Variants in SCAND3 observed in about 807,000 individuals in gnomAD.
SCAND3 encodes the protein SCAN domain containing 3, also known as SCAN domain-containing protein 3.
chr6:28,607,154 T>C, the SCAND3 span, among the ~76,000 whole-genome samples: 1 of 152,222 alleles, frequency 6.6e-6, no homozygotes, highest in Admixed American at 6.5e-5. Flanking sequence ...CTGTCTGTGG[T>C]TGGGGGTGTA....
the SCAND3 span, among the ~76,000 whole-genome samples, chr6:28,611,985 C>T: frequency 6.6e-6 from 1 of 152,064 alleles, no homozygotes; most frequent in Non-Finnish European, 1.5e-5. Context: ...GAGGAATAAG[C>T]ATCCAGTTAG....
At chr6:28,576,784 G>T in the SCAND3 span, among the ~76,000 whole-genome samples, 3,484 of 92,466 alleles carry the variant, frequency 0.038, 41 homozygotes, top group African/African-American at 0.07. Context: ...TTTTTTTTTT[G>T]TATTTTTAGT....
At chr6:28,603,847 A>G in the SCAND3 span, among the ~76,000 whole-genome samples, 67 of 152,270 alleles carry the variant, frequency 4.4e-4, 3 homozygotes, top group East Asian at 0.012. Context: ...TACAAATTCA[A>G]TGTGAGTTGG....
the SCAND3 span, among the ~76,000 whole-genome samples, chr6:28,611,831 T>G: frequency 2.0e-5 from 3 of 152,238 alleles, no homozygotes; most frequent in African/African-American, 7.2e-5. Context: ...TTCCACTGTA[T>G]ATACAGTAGC....
chr6:28,573,770 G>A, the SCAND3 span: 1 of 1,576,026 alleles, frequency 6.3e-7, no homozygotes, highest in Non-Finnish European at 8.6e-7. Flanking sequence ...CTACTACTGT[G>A]TTCAGAAAAG....
At chr6:28,575,182 T>G in the SCAND3 span, 1 of 1,614,138 alleles carries the variant, frequency 6.2e-7, no homozygotes, top group Non-Finnish European at 8.5e-7. This position sits in a 1 kb window ranked among gnomAD's most constrained non-coding sequence, Gnocchi z 4.2. Flanking sequence ...GTGATAGGGC[T>G]GATTTTGGGA....
At chr6:28,587,250 A>C in the SCAND3 span, 2 of 154,604 alleles carry the variant, frequency 1.3e-5, no homozygotes. Flanking sequence ...GGGTCGAGGG[A>C]AACACTCTAC....
At chr6:28,572,017 T>C in the SCAND3 span, 52 of 1,613,928 alleles carry the variant, frequency 3.2e-5, no homozygotes, top group Non-Finnish European at 4.2e-5. The surrounding 1 kb of genome is among the most constrained non-coding windows in gnomAD (Gnocchi z 4.1). Context: ...ACTGTTTCTA[T>C]GTTTTGTTTT....
the SCAND3 span, among the ~76,000 whole-genome samples, chr6:28,605,749 G>A: frequency 1.3e-5 from 2 of 152,146 alleles, no homozygotes; most frequent in African/African-American, 4.8e-5. Context: ...AGGAGGCTGA[G>A]GCAAGAGAAT....
chr6:28,597,534 C>T, the SCAND3 span, among the ~76,000 whole-genome samples: 1 of 152,204 alleles, frequency 6.6e-6, no homozygotes, highest in Non-Finnish European at 1.5e-5. Flanking sequence ...TACAACCACA[C>T]CCAGAATCGG....
chr6:28,581,211 A>G, the SCAND3 span, among the ~76,000 whole-genome samples: 1 of 151,948 alleles, frequency 6.6e-6, no homozygotes, highest in Non-Finnish European at 1.5e-5. Flanking sequence ...GGTAGCACAT[A>G]TCTGTGGTCC....
chr6:28,591,956 T>C, the SCAND3 span, among the ~76,000 whole-genome samples: 1 of 152,142 alleles, frequency 6.6e-6, no homozygotes, highest in Non-Finnish European at 1.5e-5. Context: ...AATCTGTCCA[T>C]ATCAAAAAAT....
At chr6:28,592,441 A>G in the SCAND3 span, among the ~76,000 whole-genome samples, 1 of 152,226 alleles carries the variant, frequency 6.6e-6, no homozygotes, top group Non-Finnish European at 1.5e-5. The surrounding 1 kb of genome is among the most constrained non-coding windows in gnomAD (Gnocchi z 4.1). Context: ...AAAAACACAA[A>G]TAAATGGAAA....
At chr6:28,575,590 C>T in the SCAND3 span, 1 of 1,614,090 alleles carries the variant, frequency 6.2e-7, no homozygotes, top group South Asian at 1.1e-5. The surrounding 1 kb of genome is among the most constrained non-coding windows in gnomAD (Gnocchi z 4.2). Context: ...GCATCTTGAA[C>T]TAACTTCCTT....
chr6:28,573,727 G>C, the SCAND3 span: 6 of 1,608,062 alleles, frequency 3.7e-6, no homozygotes, highest in Non-Finnish European at 5.1e-6. Context: ...CCCTTCTTCA[G>C]GATAACTTCT....
chr6:28,589,418 C>G, the SCAND3 span: 1 of 152,044 alleles, frequency 6.6e-6, no homozygotes, highest in African/African-American at 2.4e-5. Context: ...GACTTTGAAT[C>G]CAGCAATCCG....
chr6:28,572,873 G>T, the SCAND3 span: 2 of 1,613,730 alleles, frequency 1.2e-6, no homozygotes, highest in Non-Finnish European at 1.7e-6. The surrounding 1 kb of genome is among the most constrained non-coding windows in gnomAD (Gnocchi z 4.1). Context: ...TTCATGGCAA[G>T]ACTTTCTCGA....
the SCAND3 span, chr6:28,573,440 T>C: frequency 6.2e-7 from 1 of 1,614,178 alleles, no homozygotes; most frequent in Non-Finnish European, 8.5e-7. Context: ...AAAGCACTAA[T>C]GTTTATATGA....
At chr6:28,574,902 TA>T in the SCAND3 span, 2 of 1,613,982 alleles carry the variant, frequency 1.2e-6, no homozygotes, top group Non-Finnish European at 8.5e-7. Flanking sequence ...CTACACAGGA[TA>T]AAAATCTTAG....
Sources: allele counts gnomAD v4.1 joint callset (sites outside exome capture counted in the v4.1 genomes callset), GRCh38; gene constraint gnomAD v4.1.1; non-coding constraint Gnocchi (gnomAD v3.1); transcripts MANE v1.5; gene names NCBI Gene and HGNC (gene_info 2026-07-23, HGNC 2026-07-21).